Variants in ACACA observed in about 807,000 individuals in gnomAD.
ACACA encodes acetyl-CoA carboxylase 1.
ACACA carries 103 observed loss-of-function variants against 296.1 expected under a neutral mutation model. The ratio of observed to expected loss-of-function variants is 0.35; its 90% CI spans 0.30 to 0.41. ACACA has a LOEUF of 0.41. Among genes scored for constraint, ACACA ranks in the 10% least tolerant of loss-of-function variants. The pLI is 1.00. For synonymous variants in ACACA, 953 were observed against 1,038.6 expected (o/e 0.92, Z 1.58); for missense variants, 1,554 against 2,989.7 (o/e 0.52, Z 11.20).
intron 50 of ACACA, among the ~76,000 whole-genome samples, chr17:37,117,290 T>C (rs946336092): frequency 6.6e-6 from 1 of 152,270 alleles, no homozygotes; most frequent in Non-Finnish European, 1.5e-5. Flanking sequence ...TAGTTCATTA[T>C]GATCGGCTGA....
intron 1 of ACACA, among the ~76,000 whole-genome samples, 178 bp from the exon 2 acceptor site, chr17:37,340,028 T>C (rs990256131): frequency 6.6e-6 from 1 of 152,200 alleles, no homozygotes; most frequent in African/African-American, 2.4e-5. Context: ...TTCAATTCTG[T>C]AAATCAAACA....
chr17:37,099,834 AT>A (rs1172366501), intron 52 of ACACA, among the ~76,000 whole-genome samples: 1 of 152,186 alleles, frequency 6.6e-6, no homozygotes, highest in Non-Finnish European at 1.5e-5. Flanking sequence ...GATTCTAGGG[AT>A]GAGGTAGGGA....
rs2073086600 is a variant in ACACA at position 37,097,831 on chromosome 17, C to T, written c.6719G>A (p.Ser2240Asn). The T allele has an allele frequency of 6.2e-7, 1 of 1,614,086 alleles. No individual in the cohort carries two copies. Among genetic ancestry groups the T allele is most frequent in the African/African-American group, 1.3e-5 (1 of 74,940 alleles). Residue 2240 changes from serine (S) to asparagine (N), a missense_variant and splice_region_variant, in exon 53 of 56, where the codon AGC becomes AAC. By Grantham distance (46) the Ser-to-Asn change is conservative. Coordinates refer to ENST00000616317, the MANE Select transcript of ACACA (RefSeq NM_198834.3). The surrounding 1 kb of genome is among the most constrained non-coding windows in gnomAD (Gnocchi z 4.8). ...AGAAGTGGCAACCATTGTACTTACGCTAATAACACCCTTCTCCTGCATCCG... is the reference window on the plus strand; with the variant it reads ...AGAAGTGGCAACCATTGTACTTACGTTAATAACACCCTTCTCCTGCATCCG... ...PGRMQEKGVISDILDWKTSRT... is the reference protein window; with the variant it reads ...PGRMQEKGVINDILDWKTSRT...
Position 37,086,896 on chromosome 17 carries a change from C to CG in ACACA, c.*419dup, listed in dbSNP as rs1437782678. On this transcript the variant is annotated 3_prime_UTR_variant, in exon 56 of 56. Coordinates refer to ENST00000616317, the MANE Select transcript of ACACA (RefSeq NM_198834.3). ...AGCCCTCCTCTGCTGCCTGTGGCTG[C>CG]GGCTCATGGGGCCAGGAGTGAGGGG... The CG allele has an allele frequency of 3.6e-6, 1 of 279,598 alleles. No individual in the cohort carries two copies. Among genetic ancestry groups the CG allele is most frequent in the Non-Finnish European group, 7.0e-6 (1 of 142,316 alleles). The allele number at this position is 279,598 out of a possible 1,614,324, so 17.3% of individuals were successfully genotyped here. A position where few individuals can be genotyped will look rare whatever the true frequency, so the allele number is the denominator to read the frequency against.
intron 1 of ACACA, among the ~76,000 whole-genome samples, chr17:37,343,593 C>T (rs1208265377): frequency 6.6e-6 from 1 of 151,656 alleles, no homozygotes; most frequent in East Asian, 2.0e-4. Flanking sequence ...GGTGAAACCC[C>T]ATCTCTACTA....
At chr17:37,221,073 A>G (rs906392779) in intron 29 of ACACA, among the ~76,000 whole-genome samples, 2 of 152,242 alleles carry the variant, frequency 1.3e-5, no homozygotes, top group Non-Finnish European at 2.9e-5. Context: ...GATAGTCTAT[A>G]AGATAAAGTA....
chr17:37,209,548 C>T (rs548277457), intron 30 of ACACA, among the ~76,000 whole-genome samples: 152 of 152,230 alleles, frequency 1.0e-3, no homozygotes, highest in African/African-American at 3.1e-3. Flanking sequence ...ATGAGCCAAG[C>T]CCACTCACCA....
At chr17:37,368,795 A>T (rs1158349091) in intron 1 of ACACA, 4 of 152,286 alleles carry the variant, frequency 2.6e-5, no homozygotes, top group African/African-American at 7.2e-5. Context: ...TTATTATTGC[A>T]TCACACAGGA....
At chr17:37,252,742 A>G in intron 15 of ACACA, 144 bp downstream of exon 15, 1 of 1,091,148 alleles carries the variant, frequency 9.2e-7, no homozygotes, top group Non-Finnish European at 1.4e-6. Flanking sequence ...TCAGAGTGCT[A>G]AAATTACACT....
At chr17:37,099,136 T>C (rs928360945) in intron 52 of ACACA, among the ~76,000 whole-genome samples, 10 of 152,176 alleles carry the variant, frequency 6.6e-5, no homozygotes, top group Non-Finnish European at 1.2e-4. Context: ...CAATGAATCA[T>C]ATGCCATAAA....
rs149182938 is a variant in ACACA at position 37,181,363 on chromosome 17, G to GA, written c.4777-8dup. 2.5e-3 allele frequency: 4,009 copies of GA among 1,596,708 alleles called. 64 individuals carry two copies. In the African/African-American group the frequency reaches 0.04, roughly 16 times the overall value. On this transcript the variant is annotated splice_polypyrimidine_tract_variant and splice_region_variant and intron_variant, in intron 39 of 55. Coordinates refer to ENST00000616317, the MANE Select transcript of ACACA (RefSeq NM_198834.3). ...CATATGCCTGAAACATGATCTGCAG[G>GA]AAAAAAAAATGGCATGGGGAGTTAA...
At chr17:37,166,048 G>C (rs2076653832) in intron 41 of ACACA, among the ~76,000 whole-genome samples, 1 of 152,142 alleles carries the variant, frequency 6.6e-6, no homozygotes, top group Non-Finnish European at 1.5e-5. Context: ...AACGATTATA[G>C]CATCTCCTCT....
At chr17:37,356,090 C>G (rs2049128162) in intron 1 of ACACA, among the ~76,000 whole-genome samples, 1 of 151,972 alleles carries the variant, frequency 6.6e-6, no homozygotes, top group Admixed American at 6.6e-5. Flanking sequence ...ATTGCTAGAA[C>G]CTGAGAGGTG....
intron 50 of ACACA, among the ~76,000 whole-genome samples, chr17:37,116,024 ACT>A (rs1469402667): frequency 4.0e-5 from 6 of 150,640 alleles, no homozygotes; most frequent in Non-Finnish European, 4.4e-5. Context: ...CCAGGTTCTC[ACT>A]CTGTCTCCCA....
Position 37,119,715 on chromosome 17 carries a change from GTCGGCAAAAATT to G in ACACA, c.6274+1628_6274+1639del, listed in dbSNP as rs544229916. Among the ~76,000 whole-genome samples the G allele has an allele frequency of 4.3e-3, 648 of 151,350 alleles. 3 individuals carry two copies. Among genetic ancestry groups the G allele is most frequent in the African/African-American group, 0.015 (598 of 41,148 alleles). ...CTTCCTAGACGAGTAAGGAAAAATTGTCGGCAAAAATTTCAAATCCCTCTTGCCACATAACTG... is the reference window on the plus strand; with the variant it reads ...CTTCCTAGACGAGTAAGGAAAAATTGTCAAATCCCTCTTGCCACATAACTG... On this transcript the variant is annotated intron_variant, in intron 50 of 55. Coordinates refer to ENST00000616317, the MANE Select transcript of ACACA (RefSeq NM_198834.3).
chr17:37,198,289 T>C (rs888491130), intron 35 of ACACA, among the ~76,000 whole-genome samples: 4 of 152,246 alleles, frequency 2.6e-5, no homozygotes, highest in Non-Finnish European at 5.9e-5. Context: ...TAGTGTGCTA[T>C]AGATGTGAAG....
intron 21 of ACACA, 81 bp downstream of exon 21, chr17:37,244,503 TAAAC>T: frequency 6.5e-7 from 1 of 1,546,990 alleles, no homozygotes; most frequent in Non-Finnish European, 8.9e-7. Flanking sequence ...TCCTCCCTCT[TAAAC>T]AATCATTATG....
chr17:37,278,574 T>C (rs953058890), intron 5 of ACACA, among the ~76,000 whole-genome samples: 1 of 152,236 alleles, frequency 6.6e-6, no homozygotes, highest in African/African-American at 2.4e-5. Context: ...TTCTCATATA[T>C]ATTTGTTGTA....
intron 25 of ACACA, among the ~76,000 whole-genome samples, chr17:37,227,785 G>A (rs576523035): frequency 6.7e-4 from 102 of 151,594 alleles, no homozygotes; most frequent in Non-Finnish European, 1.2e-3. Context: ...GCGTGAACCC[G>A]GGAGGTGGAC....
Sources: allele counts gnomAD v4.1 joint callset (sites outside exome capture counted in the v4.1 genomes callset), GRCh38; gene constraint gnomAD v4.1.1; non-coding constraint Gnocchi (gnomAD v3.1); transcripts MANE v1.5; gene names NCBI Gene and HGNC (gene_info 2026-07-23, HGNC 2026-07-21).